Variants in TAAR2 observed in about 807,000 individuals in gnomAD.
TAAR2 encodes trace amine associated receptor 2, also known as trace amine-associated receptor 2.
Under a neutral mutation model 25.5 loss-of-function variants are expected in TAAR2, and 30 were observed. That is an observed-to-expected ratio of 1.18 (90% CI 0.88 to 1.60). The LOEUF is 1.60. Among genes scored for constraint, TAAR2 ranks in the 40% most tolerant of loss-of-function variants. The probability of loss-of-function intolerance (pLI) is 0.00; values close to 1 mark genes in which losing one functional copy is unlikely to be tolerated. For missense variants in TAAR2, 481 were observed against 416.5 expected, an observed-to-expected ratio of 1.15 and a Z score of -1.35; for synonymous variants, 150 against 142.4, an observed-to-expected ratio of 1.05 and a Z score of -0.38.
At chr6:132,623,924 A>G (rs1294650270) in intron 1 of TAAR2, among the ~76,000 whole-genome samples, 1 of 151,930 alleles carries the variant, frequency 6.6e-6, no homozygotes, top group Non-Finnish European at 1.5e-5. Flanking sequence ...TCAACCACAC[A>G]TGGATGGGAC....
chr6:132,621,363 G>A (rs1777371760), intron 1 of TAAR2, among the ~76,000 whole-genome samples: 2 of 151,938 alleles, frequency 1.3e-5, no homozygotes, highest in African/African-American at 4.8e-5. Context: ...CACCTTCTAG[G>A]TTTTAAGACC....
rs767548226 is a variant in TAAR2, at chr6:132,624,197, CAT to C, written c.60+17_60+18del. 53 of 1,610,708 alleles carry C rather than the reference CAT, an allele frequency of 3.3e-5. No homozygotes were observed. The highest frequency in any genetic ancestry group is 4.4e-5 in the Non-Finnish European group (52 of 1,177,434). On this transcript the variant is annotated intron_variant, in intron 1 of 1. Coordinates refer to ENST00000367931, the MANE Select transcript of TAAR2 (RefSeq NM_001033080.1). The stretch of plus-strand genomic sequence containing the variant: ...CAGATGCTACTGGTTTAAACTTAGT[CAT>C]ATGTTTAAGGGCCTACCTTTTTTGT...
intron 1 of TAAR2, among the ~76,000 whole-genome samples, chr6:132,623,464 G>A (rs1297810809): frequency 1.3e-5 from 2 of 152,096 alleles, no homozygotes; most frequent in Non-Finnish European, 2.9e-5. Context: ...GCATTATCAG[G>A]ATGGCAATTT....
chr6:132,617,326 C>A lies in TAAR2; in HGVS notation c.880G>T (p.Val294Leu). ...LDPFLNFSTPVVLFDALTWFG... is the reference protein window; with the variant it reads ...LDPFLNFSTPLVLFDALTWFG... Reference sequence around the variant, plus strand: ...CATGTCAAGGCATCAAACAAAACTACAGGAGTAGAGAAGTTCAAAAAGGGA... The same window carrying A: ...CATGTCAAGGCATCAAACAAAACTAAAGGAGTAGAGAAGTTCAAAAAGGGA... Residue 294 changes from valine (V) to leucine (L), a missense_variant, in exon 2 of 2, where the codon GTA becomes TTA. By Grantham distance (32) the Val-to-Leu change is conservative. Transcript: ENST00000367931. 1.2e-6 allele frequency: 2 copies of A among 1,613,566 alleles called. No homozygotes were observed. The highest frequency in any genetic ancestry group is 1.7e-6 in the Non-Finnish European group (2 of 1,179,840).
chr6:132,621,616 A>C (rs1582740438), intron 1 of TAAR2, among the ~76,000 whole-genome samples: 1 of 152,096 alleles, frequency 6.6e-6, no homozygotes, highest in Admixed American at 6.6e-5. Flanking sequence ...ATCATCTTGC[A>C]CCCACTCTTG....
Position 132,617,966 on chromosome 6 carries a change from G to T in TAAR2, c.240C>A (p.Phe80Leu). ...CAGTGATGGCCATGGAGAGGATGAG[G>T]AAGTTGGTTGGTGTGTGAAGCTGCT... The part of the protein sequence containing the change: ...YFKQLHTPTN[F>L]LILSMAITDF... The change falls in exon 2 of 2, where the codon TTC becomes TTA. Residue 80 changes from phenylalanine to leucine, a missense_variant. Phe to Leu is a conservative substitution (Grantham distance 22, BLOSUM62 0). Coordinates refer to ENST00000367931, the MANE Select transcript of TAAR2 (RefSeq NM_001033080.1). 6.2e-7 allele frequency: 1 copy of T among 1,614,036 alleles called. No homozygotes were observed. Among genetic ancestry groups the T allele is most frequent in the East Asian group, 2.2e-5 (1 of 44,816 alleles).
At position 132,617,571 on chromosome 6, in the gene TAAR2, G is replaced by A. The variant is rs1777312963; in HGVS notation, c.635C>T (p.Thr212Ile). ...PVMFNKLWGTTLFMAGFFTPG... is the reference protein window; with the variant it reads ...PVMFNKLWGTILFMAGFFTPG... ...AGTGAAGAAACCTGCCATAAACAAG[G>A]TGGTCCCCCATAGCTTGTTGAACAT... The change falls in exon 2 of 2, where the codon ACC becomes ATC. Residue 212 changes from threonine to isoleucine, a missense_variant. Thr to Ile is a moderately conservative substitution (Grantham distance 89). Transcript: ENST00000367931. 13 of 1,613,960 alleles carry A rather than the reference G, an allele frequency of 8.1e-6. No homozygotes were observed. The highest frequency in any genetic ancestry group is 4.0e-5 in the African/African-American group (3 of 75,012).
At chr6:132,622,589 G>C (rs1280130333) in intron 1 of TAAR2, among the ~76,000 whole-genome samples, 1 of 142,772 alleles carries the variant, frequency 7.0e-6, no homozygotes, top group Non-Finnish European at 1.5e-5. Flanking sequence ...AGGTTCAAGT[G>C]ATTCTCCTGC....
intron 1 of TAAR2, among the ~76,000 whole-genome samples, chr6:132,623,240 G>A (rs928199294): frequency 6.6e-6 from 1 of 152,172 alleles, no homozygotes. Flanking sequence ...CTTATAAGGA[G>A]GTAAGCTTTT....
intron 1 of TAAR2, among the ~76,000 whole-genome samples, chr6:132,623,118 C>T (rs920271441): frequency 6.6e-6 from 1 of 151,890 alleles, no homozygotes; most frequent in Non-Finnish European, 1.5e-5. Flanking sequence ...AAGATTTCTC[C>T]TAAGAAAAAG....
At chr6:132,620,421 TGAAA>T (rs1364128385) in intron 1 of TAAR2, among the ~76,000 whole-genome samples, 1 of 152,258 alleles carries the variant, frequency 6.6e-6, no homozygotes, top group African/African-American at 2.4e-5. Context: ...GACTTATTCA[TGAAA>T]GAGTTTCATC....
intron 1 of TAAR2, among the ~76,000 whole-genome samples, chr6:132,620,886 A>AC (rs1777362069): frequency 8.9e-6 from 1 of 112,318 alleles, no homozygotes; most frequent in Admixed American, 8.8e-5. Context: ...TGTCACACAC[A>AC]AAAAAAAAGA....
chr6:132,620,814 AAC>A (rs1278469189), intron 1 of TAAR2, among the ~76,000 whole-genome samples: 2 of 75,208 alleles, frequency 2.7e-5, no homozygotes, highest in Non-Finnish European at 4.7e-5. Flanking sequence ...AAAGTTAAAA[AAC>A]ACACATTAAA....
chr6:132,621,715 G>T (rs192589841), intron 1 of TAAR2, among the ~76,000 whole-genome samples: 54 of 152,198 alleles, frequency 3.5e-4, no homozygotes, highest in Non-Finnish European at 2.1e-4. Flanking sequence ...ACTTTAATTA[G>T]ATAATTAGTT....
Position 132,617,517 on chromosome 6 carries a change from C to T in TAAR2, c.689G>A (p.Gly230Asp), listed in dbSNP as rs1777310873. 2 of 1,613,916 alleles carry T rather than the reference C, an allele frequency of 1.2e-6. No individual in the cohort carries two copies. Among genetic ancestry groups the T allele is most frequent in the Admixed American group, 1.7e-5 (1 of 59,998 alleles). ...TPGSMMVGIY[G>D]KIFAVSRKHA... The stretch of plus-strand genomic sequence containing the variant: ...TTTTCTGGATACTGCAAAAATTTTG[C>T]CATAAATCCCCACCATCATAGACCC... Residue 230 changes from glycine (G) to aspartate (D), a missense_variant, in exon 2 of 2, where the codon GGC becomes GAC. Coordinates refer to ENST00000367931, the MANE Select transcript of TAAR2 (RefSeq NM_001033080.1).
chr6:132,623,543 A>C (rs1423847361), intron 1 of TAAR2, among the ~76,000 whole-genome samples: 1 of 152,080 alleles, frequency 6.6e-6, no homozygotes, highest in Non-Finnish European at 1.5e-5. Context: ...TCTTCCACAT[A>C]CCGGCAGAAG....
Position 132,617,736 on chromosome 6 carries a change from A to G in TAAR2, c.470T>C (p.Ile157Thr). The G allele has an allele frequency of 1.9e-6, 3 of 1,614,028 alleles. No homozygotes were observed. The highest frequency in any genetic ancestry group is 2.5e-6 in the Non-Finnish European group (3 of 1,179,982). The change falls in exon 2 of 2, where the codon ATT becomes ACT. Residue 157 changes from isoleucine to threonine, a missense_variant. Physicochemically the swap from Ile to Thr is moderately conservative, Grantham distance 89. Transcript: ENST00000367931. ...AAGTAGCAATCTTTTAATGACTGGAATAGTTATTTTGGTGGAATAAAGTAA... is the reference window on the plus strand; with the variant it reads ...AAGTAGCAATCTTTTAATGACTGGAGTAGTTATTTTGGTGGAATAAAGTAA... ...YPLLYSTKIT[I>T]PVIKRLLLLC... is the part of the protein sequence containing the mutation.
At chr6:132,621,064 C>T (rs1473618552) in intron 1 of TAAR2, among the ~76,000 whole-genome samples, 1 of 103,922 alleles carries the variant, frequency 9.6e-6, no homozygotes, top group African/African-American at 1.3e-4. Context: ...GATTTCTGAC[C>T]ATCTTCAGTA....
At chr6:132,620,926 T>C (rs1777363542) in intron 1 of TAAR2, among the ~76,000 whole-genome samples, 1 of 149,372 alleles carries the variant, frequency 6.7e-6, no homozygotes, top group South Asian at 2.1e-4. Flanking sequence ...AAGCGAGAGA[T>C]TTTCCTCCCT....
Sources: allele counts gnomAD v4.1 joint callset (sites outside exome capture counted in the v4.1 genomes callset), GRCh38; gene constraint gnomAD v4.1.1; transcripts MANE v1.5; gene names NCBI Gene and HGNC (gene_info 2026-07-23, HGNC 2026-07-21).